SLC11A2: variants seen among roughly 807,000 people sequenced by gnomAD.
SLC11A2 encodes the protein natural resistance-associated macrophage protein 2.
SLC11A2 carries 38 observed loss-of-function variants against 68.0 expected under a neutral mutation model. The observed-to-expected ratio is 0.56, with a 90% CI of 0.43 to 0.73. SLC11A2 has a LOEUF of 0.73. Among genes scored for constraint, SLC11A2 ranks in the 30% least tolerant of loss-of-function variants. The pLI, the probability that SLC11A2 is intolerant of heterozygous loss-of-function variation, is 0.00. For synonymous variants in SLC11A2, 242 were observed against 250.6 expected, an observed-to-expected ratio of 0.97 and a Z score of 0.32; for missense variants, 517 against 690.5, an observed-to-expected ratio of 0.75 and a Z score of 2.82.
chr12:51,015,331 C>T (rs1325302320), intron 1 of SLC11A2, among the ~76,000 whole-genome samples: 1 of 151,062 alleles, frequency 6.6e-6, no homozygotes, highest in African/African-American at 2.4e-5. Flanking sequence ...CAAAATTAGC[C>T]AGGCATCATG....
intron 5 of SLC11A2, 136 bp from the exon 6 acceptor site, chr12:51,000,555 G>A: frequency 2.8e-6 from 2 of 714,874 alleles, no homozygotes; most frequent in South Asian, 3.1e-5. Context: ...AGAAATACCA[G>A]AACGTGCCTC....
intron 5 of SLC11A2, among the ~76,000 whole-genome samples, chr12:51,002,634 G>T (rs1942352771): frequency 2.7e-4 from 1 of 3,680 alleles, no homozygotes; most frequent in African/African-American, 3.6e-4. Context: ...GCGAGACTTG[G>T]TCTCAAAAAA....
intron 1 of SLC11A2, among the ~76,000 whole-genome samples, chr12:51,025,140 C>G (rs1315784609): frequency 1.3e-5 from 2 of 152,174 alleles, no homozygotes; most frequent in East Asian, 3.8e-4. Context: ...ACTATACCCT[C>G]AGATCAAAGT....
At chr12:50,968,828 C>A in the SLC11A2 span, among the ~76,000 whole-genome samples, 1 of 151,950 alleles carries the variant, frequency 6.6e-6, no homozygotes, top group Admixed American at 6.6e-5. Flanking sequence ...AGGCATGAGC[C>A]ACCACGCCTG....
At position 50,988,286 on chromosome 12, in the gene SLC11A2, G is replaced by A. The variant is rs1419154796; in HGVS notation, c.*39C>T. ...CACAGTAAACCATAGAAACACACTG[G>A]CTCTGATGGCTACCTGCAGAAGACA... On this transcript the variant is annotated 3_prime_UTR_variant, in exon 16 of 16. Transcript: ENST00000262052. 1 of 1,613,424 alleles carries A rather than the reference G, an allele frequency of 6.2e-7. No individual in the cohort carries two copies. The highest frequency in any genetic ancestry group is 8.5e-7 in the Non-Finnish European group (1 of 1,179,626).
In SLC11A2 at chr12:51,004,809, T is replaced by C. The variant is rs764250100; in HGVS notation, c.408A>G (p.Val136=). 6.2e-7 allele frequency: 1 copy of C among 1,614,002 alleles called. No homozygotes were observed. The highest frequency in any genetic ancestry group is 2.2e-5 in the East Asian group (1 of 44,874). Reference sequence around the variant, plus strand: ...TCACCTTGGGATACTGACGGTGACATACTTCAGCAAGATGCAGCCCAGTAA... The same window carrying C: ...TCACCTTGGGATACTGACGGTGACACACTTCAGCAAGATGCAGCCCAGTAA... ...GVVTGLHLAE[V]CHRQYPKVPR... The change falls in exon 5 of 16, where the codon GTA becomes GTG. Residue 136 remains valine, a synonymous_variant. Transcript: ENST00000262052.
At chr12:50,991,415 C>T (rs1340024860) in intron 14 of SLC11A2, 184 bp downstream of exon 14, 8 of 621,648 alleles carry the variant, frequency 1.3e-5, no homozygotes, top group Admixed American at 5.2e-5. Context: ...ATATGAAAGA[C>T]GTGCTTTCTC....
intron 4 of SLC11A2, 123 bp from the exon 5 acceptor site, chr12:51,005,030 A>G (rs1219885526): frequency 2.5e-6 from 3 of 1,191,508 alleles, no homozygotes; most frequent in Non-Finnish European, 3.6e-6. Flanking sequence ...CAGGTCAAGA[A>G]TCAAATGACT....
chr12:50,987,123 C>G lies in SLC11A2; in HGVS notation c.*1202G>C, dbSNP rs762674290. 2.3e-6 allele frequency: 3 copies of G among 1,283,514 alleles called. No individual in the cohort carries two copies. The Admixed American group carries it at 7.0e-5, about 30-fold the overall frequency. 79.5% of individuals were successfully genotyped at this position (1,283,514 alleles called of 1,614,324 possible). A position where few individuals can be genotyped will look rare whatever the true frequency, so the allele number is the denominator to read the frequency against. ...AAGCAGCAGCTTTGTGCTGAAGACA[C>G]CCATTTCCTCTGACTCCAGAGCTCC... On this transcript the variant is annotated 3_prime_UTR_variant, in exon 16 of 16. Transcript: ENST00000262052.
chr12:50,995,909 G>C (rs1255128298), intron 9 of SLC11A2, 122 bp from the exon 10 acceptor site: 1 of 834,850 alleles, frequency 1.2e-6, no homozygotes, highest in Non-Finnish European at 2.0e-6. Context: ...CGAAAAGTGA[G>C]AGATCCAACA....
At chr12:51,023,869 T>C (rs1944205497) in intron 1 of SLC11A2, among the ~76,000 whole-genome samples, 2 of 152,102 alleles carry the variant, frequency 1.3e-5, no homozygotes, top group Non-Finnish European at 2.9e-5. Context: ...CATGCACTTG[T>C]ACTCCCAGCT....
the SLC11A2 span, among the ~76,000 whole-genome samples, chr12:50,959,509 T>C: frequency 6.6e-6 from 1 of 152,242 alleles, no homozygotes; most frequent in Non-Finnish European, 1.5e-5. Context: ...ATTTAACTCT[T>C]ACTTATCCAA....
intron 1 of SLC11A2, among the ~76,000 whole-genome samples, chr12:51,014,887 G>A (rs572014070): frequency 2.6e-5 from 4 of 152,028 alleles, no homozygotes; most frequent in South Asian, 2.1e-4. Context: ...GAGGTCAGGC[G>A]TGGTGGCTCA....
At chr12:50,965,099 TTA>T in the SLC11A2 span, among the ~76,000 whole-genome samples, 1 of 152,000 alleles carries the variant, frequency 6.6e-6, no homozygotes, top group East Asian at 1.9e-4. Context: ...TGCTTTTGTT[TTA>T]TGTTTGTGGG....
At chr12:50,973,617 C>A in the SLC11A2 span, among the ~76,000 whole-genome samples, 1 of 152,176 alleles carries the variant, frequency 6.6e-6, no homozygotes, top group African/African-American at 2.4e-5. Context: ...TCCTCACCAG[C>A]AATGGAACAA....
In SLC11A2 at chr12:50,986,172, T is replaced by C. The variant is rs141880064; in HGVS notation, c.*2153A>G. The C allele has an allele frequency of 7.9e-5, 102 of 1,285,538 alleles. No individual in the cohort carries two copies. In the East Asian group the frequency reaches 4.8e-3, roughly 60 times the overall value. The allele number at this position is 1,285,538 out of a possible 1,614,324, so 79.6% of individuals were successfully genotyped here. On this transcript the variant is annotated 3_prime_UTR_variant, in exon 16 of 16. Transcript: ENST00000262052. ...AGCAGCACAATTATTTCATGTCACATTTAAGAAGAACAAGAACCAATTTAT... is the reference window on the plus strand; with the variant it reads ...AGCAGCACAATTATTTCATGTCACACTTAAGAAGAACAAGAACCAATTTAT...
At chr12:50,972,342 G>C in the SLC11A2 span, among the ~76,000 whole-genome samples, 2 of 152,098 alleles carry the variant, frequency 1.3e-5, no homozygotes, top group East Asian at 1.9e-4. Context: ...CTTGAAAAAA[G>C]CAATGCTAAG....
the SLC11A2 span, among the ~76,000 whole-genome samples, chr12:50,967,293 GCAT>G: frequency 1.4e-3 from 206 of 152,208 alleles, 1 homozygote; most frequent in African/African-American, 4.7e-3. Context: ...CTACAGGTAT[GCAT>G]CATCATGTCT....
At position 50,992,341 on chromosome 12, in the gene SLC11A2, T is replaced by C; in HGVS notation, c.1198-2A>G. 6.2e-7 allele frequency: 1 copy of C among 1,613,704 alleles called. No homozygotes were observed. Among genetic ancestry groups the C allele is most frequent in the Non-Finnish European group, 8.5e-7 (1 of 1,179,882 alleles). On this transcript the variant is annotated splice_acceptor_variant, in intron 12 of 15. Transcript: ENST00000262052. LOFTEE classifies it high-confidence loss of function. ...TGACCACTTTAGGTTCAGGAATCCC[T>C]GGAAGAAAACATAGGAGCAGATGAC... is the stretch of plus-strand genomic sequence containing the variant.
Sources: gnomAD v4.1 joint callset for allele counts (sites outside exome capture counted in the v4.1 genomes callset) on GRCh38, gnomAD v4.1.1 for gene constraint, MANE v1.5 for transcripts, NCBI Gene and HGNC (gene_info 2026-07-23, HGNC 2026-07-21) for gene names.